Variants in DNAH3 observed in about 807,000 individuals in gnomAD.
DNAH3 encodes the protein axonemal beta dynein heavy chain 3.
A neutral mutation model predicts 432.5 loss-of-function variants in DNAH3; 332 were observed. The ratio of observed to expected loss-of-function variants is 0.77; its 90% CI spans 0.70 to 0.84. The LOEUF is 0.84. Ranked by LOEUF, DNAH3 falls within the 40% of genes least tolerant of loss-of-function variation. The pLI is 0.00. For missense variants in DNAH3, 4,861 were observed against 5,114.0 expected (o/e 0.95, Z 1.51); for synonymous variants, 1,956 against 1,900.2 (o/e 1.03, Z -0.76).
intron 4 of DNAH3, among the ~76,000 whole-genome samples, chr16:21,141,090 G>GATCATGC (rs1459543142): frequency 6.6e-6 from 1 of 151,882 alleles, no homozygotes; most frequent in African/African-American, 2.4e-5. Context: ...AGCAAGCTGA[G>GATCATGC]ATCATGCCAC....
chr16:21,002,823 A>T (rs927775333), intron 42 of DNAH3, among the ~76,000 whole-genome samples: 2 of 152,162 alleles, frequency 1.3e-5, no homozygotes, highest in Non-Finnish European at 2.9e-5. Flanking sequence ...TGTAGCCCCT[A>T]GCATGTGCCA....
chr16:20,987,967 T>A lies in DNAH3; in HGVS notation c.6700A>T (p.Lys2234Ter). The A allele has an allele frequency of 6.2e-7, 1 of 1,614,122 alleles. No individual in the cohort carries two copies. The highest frequency in any genetic ancestry group is 8.5e-7 in the Non-Finnish European group (1 of 1,180,012). ...CTTAAAAACATCACATCAAACCCTT[T>A]CCCGAAGTGCCAGTCAACAATCGAA... Residue 2234 changes from lysine to a stop codon, truncating the protein, a stop_gained, in exon 45 of 62, where the codon AAA becomes TAA. Transcript: ENST00000261383. LOFTEE classifies it high-confidence loss of function.
intron 54 of DNAH3, among the ~76,000 whole-genome samples, chr16:20,957,243 T>A (rs2084603732): frequency 6.6e-6 from 1 of 152,188 alleles, no homozygotes; most frequent in Admixed American, 6.5e-5. Context: ...AAATAGTACA[T>A]ATTTTAGACT....
chr16:20,958,254 A>C lies in DNAH3; in HGVS notation c.10826+925T>G, dbSNP rs144956089. Among the ~76,000 whole-genome samples the C allele has an allele frequency of 1.7e-3, 252 of 151,950 alleles. 1 individual carries two copies. The highest frequency in any genetic ancestry group is 5.8e-3 in the African/African-American group (240 of 41,434). On this transcript the variant is annotated intron_variant, in intron 54 of 61. Coordinates refer to ENST00000261383, the Ensembl canonical transcript of DNAH3. ...TGCCCAGCTCATTTTTTGTATTTTT[A>C]GTAGAGATGGGGTTTTGCCATGTTG...
At chr16:20,970,339 CAT>C (rs1332045126) in intron 51 of DNAH3, among the ~76,000 whole-genome samples, 1 of 152,194 alleles carries the variant, frequency 6.6e-6, no homozygotes, top group African/African-American at 2.4e-5. Context: ...GTCTGGCCAA[CAT>C]GGCAAAACCC....
At chr16:21,007,212 C>CTTT (rs1269851987) in intron 41 of DNAH3, among the ~76,000 whole-genome samples, 51 of 140,654 alleles carry the variant, frequency 3.6e-4, no homozygotes, top group African/African-American at 1.2e-3. Context: ...TTTGTATATC[C>CTTT]TTTTTTTTTT....
intron 43 of DNAH3, 149 bp downstream of exon 43, chr16:21,000,075 G>T: frequency 1.4e-6 from 1 of 718,940 alleles, no homozygotes; most frequent in Non-Finnish European, 2.1e-6. Flanking sequence ...GAAGAGGAGA[G>T]AATGAATACT....
intron 41 of DNAH3, among the ~76,000 whole-genome samples, chr16:21,013,978 GGGTTC>G (rs2087740928): frequency 2.0e-5 from 3 of 152,086 alleles, no homozygotes; most frequent in Non-Finnish European, 2.9e-5. Flanking sequence ...AGGCCAAGAT[GGGTTC>G]ACTGGTGAAT....
intron 18 of DNAH3, among the ~76,000 whole-genome samples, chr16:21,088,754 G>A (rs951351443): frequency 1.3e-5 from 2 of 152,146 alleles, no homozygotes; most frequent in African/African-American, 4.8e-5. Flanking sequence ...TTCAAATATG[G>A]AGGTTGCAGG....
exon 1 of DNAH3, chr16:21,159,352 T>C (rs771980815): frequency 6.2e-7 from 1 of 1,614,012 alleles, no homozygotes; most frequent in Non-Finnish European, 8.5e-7. Context: ...CCTCCTCTCC[T>C]TGGGTCTCCC....
At chr16:20,964,421 T>C in exon 53 of DNAH3, 1 of 1,614,208 alleles carries the variant, frequency 6.2e-7, no homozygotes, top group Non-Finnish European at 8.5e-7. Context: ...CCCAGCCTCA[T>C]GTACTCAACT....
intron 20 of DNAH3, among the ~76,000 whole-genome samples, chr16:21,081,306 C>T (rs1367504208): frequency 6.6e-6 from 1 of 151,466 alleles, no homozygotes; most frequent in East Asian, 1.9e-4. Flanking sequence ...AAGAGGAAAC[C>T]GAGGCACAGA....
rs780841189 is a variant in DNAH3 at position 21,039,977 on chromosome 16, C to T, written c.4639-34G>A. The T allele has an allele frequency of 1.9e-5, 30 of 1,545,632 alleles. No individual in the cohort carries two copies. In the East Asian group the frequency reaches 2.7e-4, roughly 14 times the overall value. On this transcript the variant is annotated intron_variant, in intron 32 of 61. Transcript: ENST00000261383. ...GAAACAACAAATCAGAATCGGAACACGTGCAGTGAATACTGAGGGAACGCA... is the reference window on the plus strand; with the variant it reads ...GAAACAACAAATCAGAATCGGAACATGTGCAGTGAATACTGAGGGAACGCA...
intron 44 of DNAH3, among the ~76,000 whole-genome samples, chr16:20,988,811 T>C (rs769837119): frequency 1.1e-4 from 17 of 152,188 alleles, no homozygotes; most frequent in Non-Finnish European, 2.1e-4. Flanking sequence ...TTGTTCCTTC[T>C]GATGTTCGAA....
exon 22 of DNAH3, chr16:21,070,719 T>C (rs1460294357): frequency 6.2e-7 from 1 of 1,606,104 alleles, no homozygotes; most frequent in Admixed American, 1.7e-5. Flanking sequence ...CCCGGCATTC[T>C]GCTTCTATTG....
intron 55 of DNAH3, among the ~76,000 whole-genome samples, chr16:20,952,758 T>A (rs2084373332): frequency 6.6e-6 from 1 of 152,190 alleles, no homozygotes; most frequent in South Asian, 2.1e-4. Context: ...TAAAATCAAT[T>A]TCCTTATATA....
intron 12 of DNAH3, among the ~76,000 whole-genome samples, chr16:21,115,752 AAAATAAAAT>A (rs1195864760): frequency 6.7e-6 from 1 of 150,148 alleles, no homozygotes; most frequent in African/African-American, 2.4e-5. Flanking sequence ...AAATAAAAAT[AAAATAAAAT>A]AAATAAAATA....
exon 25 of DNAH3, chr16:21,062,572 C>T (rs2152753695): frequency 1.2e-6 from 2 of 1,614,186 alleles, no homozygotes; most frequent in Non-Finnish European, 1.7e-6. Flanking sequence ...TGTCTGTAAA[C>T]TCAAGCTTGG....
chr16:21,083,874 G>A (rs961140366), intron 19 of DNAH3, among the ~76,000 whole-genome samples: 1 of 152,134 alleles, frequency 6.6e-6, no homozygotes, highest in Non-Finnish European at 1.5e-5. Context: ...AGAGTATCTA[G>A]GGGCCTTTGT....
Sources: allele counts gnomAD v4.1 joint callset (sites outside exome capture counted in the v4.1 genomes callset), GRCh38; gene constraint gnomAD v4.1.1; transcripts MANE v1.5; gene names NCBI Gene and HGNC (gene_info 2026-07-23, HGNC 2026-07-21).